MAMDC2: variants seen among roughly 807,000 people sequenced by gnomAD.
MAMDC2 encodes the protein MAM domain containing 2.
A neutral mutation model predicts 89.8 loss-of-function variants in MAMDC2; 57 were observed. The ratio of observed to expected loss-of-function variants is 0.63; its 90% confidence interval spans 0.51 to 0.79. The LOEUF (loss-of-function observed/expected upper bound fraction) is 0.79. MAMDC2 is among the 30% of genes least tolerant of loss of function. The probability of loss-of-function intolerance (pLI) is 0.00; values close to 1 mark genes in which losing one functional copy is unlikely to be tolerated. For synonymous variants in MAMDC2, 313 were observed against 293.4 expected, an observed-to-expected ratio of 1.07 and a Z score of -0.68; for missense variants, 800 against 820.6, an observed-to-expected ratio of 0.97 and a Z score of 0.31.
chr9:70,226,088 T>C lies in MAMDC2; in HGVS notation c.*56T>C, dbSNP rs2033636855. On this transcript the variant is annotated 3_prime_UTR_variant, in exon 14 of 14. Coordinates refer to ENST00000377182, the MANE Select transcript of MAMDC2 (RefSeq NM_153267.5). ...AAACCATACCTCTCTTCAATCAAAATGAAAACAAAGCAAATGAATACTGGA... is the reference window on the plus strand; with the variant it reads ...AAACCATACCTCTCTTCAATCAAAACGAAAACAAAGCAAATGAATACTGGA... The C allele has an allele frequency of 9.3e-7, 1 of 1,072,490 alleles. No homozygotes were observed. The highest frequency in any genetic ancestry group is 1.6e-5 in the African/African-American group (1 of 62,370). The allele number at this position is 1,072,490 out of a possible 1,614,324, so 66.4% of individuals were successfully genotyped here.
chr9:70,174,250 T>C (rs1927136), intron 11 of MAMDC2, among the ~76,000 whole-genome samples: 130,436 of 152,246 alleles, frequency 0.86, 56,122 homozygotes, highest in East Asian at 0.96. Flanking sequence ...CTGTTTTAGG[T>C]ACTCATGAAA....
In MAMDC2 at chr9:70,109,751, A is replaced by G; in HGVS notation, c.452A>G (p.Asn151Ser). The G allele has an allele frequency of 6.2e-7, 1 of 1,614,092 alleles. No individual in the cohort carries two copies. The highest frequency in any genetic ancestry group is 1.3e-5 in the African/African-American group (1 of 75,066). Reference protein sequence around the residue: ...ILIEGVLGQGNTASIALFEIK... With the variant: ...ILIEGVLGQGSTASIALFEIK... ...ATAGAAGGTGTACTAGGACAGGGAAACACAGCCAGCATCGCACTATTTGAA... is the reference window on the plus strand; with the variant it reads ...ATAGAAGGTGTACTAGGACAGGGAAGCACAGCCAGCATCGCACTATTTGAA... The change falls in exon 4 of 14, where the codon AAC becomes AGC. Residue 151 changes from asparagine to serine, a missense_variant. By Grantham distance (46) the Asn-to-Ser change is conservative. Coordinates refer to ENST00000377182, the MANE Select transcript of MAMDC2 (RefSeq NM_153267.5).
At chr9:70,185,665 G>A (rs1220743521) in intron 11 of MAMDC2, among the ~76,000 whole-genome samples, 1 of 152,120 alleles carries the variant, frequency 6.6e-6, no homozygotes, top group East Asian at 1.9e-4. Context: ...GAACTTCCTG[G>A]CCTCCTTAGC....
intron 2 of MAMDC2, among the ~76,000 whole-genome samples, chr9:70,050,010 T>C (rs1227551504): frequency 6.6e-6 from 1 of 152,186 alleles, no homozygotes; most frequent in Admixed American, 6.5e-5. Flanking sequence ...GAAACATCCC[T>C]GTCTCCACTC....
chr9:70,190,671 A>G (rs987398294), intron 11 of MAMDC2, among the ~76,000 whole-genome samples: 10 of 151,738 alleles, frequency 6.6e-5, no homozygotes, highest in African/African-American at 2.4e-4. Flanking sequence ...CTCATTCCCC[A>G]ATTTTTTTCT....
intron 2 of MAMDC2, among the ~76,000 whole-genome samples, chr9:70,059,224 G>A (rs1827092223): frequency 6.6e-6 from 1 of 152,174 alleles, no homozygotes; most frequent in South Asian, 2.1e-4. Flanking sequence ...AAAGGCAGAG[G>A]AGTGAGATCA....
rs137953817 is a variant in MAMDC2, at chr9:70,223,519, A to G, written c.1912-2231A>G. ...TACCAAAAAACTCAGCTCTATGAAG[A>G]TATGTTATCAAAAGCAATACAGGAC... is the stretch of plus-strand genomic sequence containing the variant. On this transcript the variant is annotated intron_variant, in intron 12 of 13. Coordinates refer to ENST00000377182, the MANE Select transcript of MAMDC2 (RefSeq NM_153267.5). Among the ~76,000 whole-genome samples, 386 of 152,282 alleles carry G rather than the reference A, an allele frequency of 2.5e-3. 7 individuals are homozygous for G. Among genetic ancestry groups the G allele is most frequent in the Admixed American group, 0.021 (317 of 15,296 alleles).
At chr9:70,050,072 C>G (rs1397320800) in intron 2 of MAMDC2, among the ~76,000 whole-genome samples, 2 of 152,192 alleles carry the variant, frequency 1.3e-5, no homozygotes, top group African/African-American at 2.4e-5. Context: ...CATCAGAGAG[C>G]TAATTATATT....
At chr9:70,204,460 G>A (rs2033174140) in intron 11 of MAMDC2, among the ~76,000 whole-genome samples, 1 of 150,010 alleles carries the variant, frequency 6.7e-6, no homozygotes, top group African/African-American at 2.4e-5. Context: ...TCTCTTCAAA[G>A]CTGTCAGACA....
rs551968148 is a variant in MAMDC2 at position 70,133,993 on chromosome 9, A to G, written c.994+2381A>G. Reference sequence around the variant, plus strand: ...TTAGAAGCTGAGCCTTTTAATTTTCATACTTCATCTTACATTTCACAAATA... The same window carrying G: ...TTAGAAGCTGAGCCTTTTAATTTTCGTACTTCATCTTACATTTCACAAATA... On this transcript the variant is annotated intron_variant, in intron 7 of 13. Transcript: ENST00000377182. Among the ~76,000 whole-genome samples, 17 of 152,214 alleles carry G rather than the reference A, an allele frequency of 1.1e-4. 1 individual carries two copies. In the South Asian group the frequency reaches 3.5e-3, roughly 32 times the overall value.
rs775814177 is a variant in MAMDC2 at position 70,113,053 on chromosome 9, G to A, written c.564G>A (p.Val188=). 39 of 1,614,036 alleles carry A rather than the reference G, an allele frequency of 2.4e-5. No homozygotes were observed. In the Admixed American group the frequency reaches 6.2e-4, roughly 26 times the overall value. Residue 188 remains valine (V), a synonymous_variant, in exon 5 of 14, where the codon GTG becomes GTA. Coordinates refer to ENST00000377182, the MANE Select transcript of MAMDC2 (RefSeq NM_153267.5). The stretch of plus-strand genomic sequence containing the variant: ...TTGTGAACCGCTGGAATCCCAATGT[G>A]AACTGGTTTGTTGGAGGAGGAAGTA... The part of the protein sequence containing the change: ...CGFVNRWNPN[V]NWFVGGGSIR...
chr9:70,068,725 C>CAAAAAAAA (rs34946038), intron 2 of MAMDC2, among the ~76,000 whole-genome samples: 1 of 99,752 alleles, frequency 1.0e-5, no homozygotes. Flanking sequence ...CCCTCCATCA[C>CAAAAAAAA]AAAAAAAAAA....
chr9:70,073,567 G>A (rs1827459152), intron 2 of MAMDC2, among the ~76,000 whole-genome samples: 2 of 152,206 alleles, frequency 1.3e-5, no homozygotes. Context: ...CGAGGACATT[G>A]AAAAGACTAG....
chr9:70,148,619 G>A (rs1176923758), intron 9 of MAMDC2, among the ~76,000 whole-genome samples: 1 of 150,298 alleles, frequency 6.7e-6, no homozygotes, highest in African/African-American at 2.5e-5. Flanking sequence ...GGAGGGCCAG[G>A]CATGGTGGCT....
chr9:70,169,498 C>CAA (rs2032268974), intron 10 of MAMDC2: 1 of 152,190 alleles, frequency 6.6e-6, no homozygotes, highest in Admixed American at 6.5e-5. Context: ...ACAATTTGTT[C>CAA]TTAGTCTCTT....
At chr9:70,064,945 G>T (rs73650517) in intron 2 of MAMDC2, among the ~76,000 whole-genome samples, 6,805 of 152,202 alleles carry the variant, frequency 0.045, 450 homozygotes, top group African/African-American at 0.15. Context: ...TCAAGAATAT[G>T]CCAAGCCATT....
At chr9:70,101,376 AT>A (rs1474154226) in intron 2 of MAMDC2, among the ~76,000 whole-genome samples, 11 of 152,196 alleles carry the variant, frequency 7.2e-5, no homozygotes, top group Non-Finnish European at 1.5e-4. Flanking sequence ...TTTTATATAA[AT>A]TCAGAATAGC....
intron 5 of MAMDC2, chr9:70,113,706 A>G (rs1828569963): frequency 6.5e-6 from 1 of 153,914 alleles, no homozygotes; most frequent in Non-Finnish European, 1.4e-5. Flanking sequence ...TCCACAGAAG[A>G]GAGACAAGGG....
Position 70,168,734 on chromosome 9 carries a change from G to C in MAMDC2, c.1437G>C (p.Trp479Cys). Residue 479 changes from tryptophan (W) to cysteine (C), a missense_variant, in exon 10 of 14, where the codon TGG becomes TGC. By Grantham distance (215) the Trp-to-Cys change is radical. Coordinates refer to ENST00000377182, the MANE Select transcript of MAMDC2 (RefSeq NM_153267.5). ...TCATGAGCCTATGCAAAAGTTTCTG[G>C]GACTGTGGGCTTGTAGCCCTGGATG... is the stretch of plus-strand genomic sequence containing the variant. Reference protein sequence around the residue: ...VVFMSLCKSFWDCGLVALDDI... With the variant: ...VVFMSLCKSFCDCGLVALDDI... The C allele has an allele frequency of 1.2e-6, 2 of 1,613,932 alleles. No homozygotes were observed. The highest frequency in any genetic ancestry group is 1.7e-6 in the Non-Finnish European group (2 of 1,179,924).
Sources: allele counts gnomAD v4.1 joint callset (sites outside exome capture counted in the v4.1 genomes callset), GRCh38; gene constraint gnomAD v4.1.1; transcripts MANE v1.5; gene names NCBI Gene and HGNC (gene_info 2026-07-23, HGNC 2026-07-21).